DIP2C: variants seen among roughly 807,000 people sequenced by gnomAD.
The protein encoded by DIP2C is DIP2 acetate--CoA ligase C (putative), also known as disco-interacting protein 2 homolog C.
A neutral mutation model predicts 192.4 loss-of-function variants in DIP2C; 33 were observed. The observed-to-expected ratio is 0.17, with a 90% CI of 0.13 to 0.23. The LOEUF is 0.23. Ranked by LOEUF, DIP2C falls within the 10% of genes least tolerant of loss-of-function variation. DIP2C has a pLI of 1.00. For synonymous variants in DIP2C, 979 were observed against 864.1 expected (o/e 1.13, Z -2.33); for missense variants, 1,537 against 2,110.1 (o/e 0.73, Z 5.32).
At chr10:616,849 C>T (rs1367090618) in intron 1 of DIP2C, among the ~76,000 whole-genome samples, 1 of 152,164 alleles carries the variant, frequency 6.6e-6, no homozygotes, top group South Asian at 2.1e-4. Flanking sequence ...GAGAGGCCGC[C>T]GTGGCCTCTA....
At chr10:390,510 A>G in intron 11 of DIP2C, 137 bp from the exon 12 acceptor site, 4 of 1,073,416 alleles carry the variant, frequency 3.7e-6, no homozygotes, top group Non-Finnish European at 5.5e-6. Flanking sequence ...CACGAGATCT[A>G]AGACATCAAC....
chr10:518,882 G>A (rs1470251857), intron 1 of DIP2C, among the ~76,000 whole-genome samples: 1 of 152,158 alleles, frequency 6.6e-6, no homozygotes, highest in Admixed American at 6.5e-5. Context: ...GGAAAAGGAG[G>A]ATCATTTTAG....
chr10:678,571 G>C lies in DIP2C; in HGVS notation c.85+10923C>G, dbSNP rs796273268. Among the ~76,000 whole-genome samples the C allele has an allele frequency of 1.4e-3, 153 of 107,294 alleles. 1 individual carries two copies. The highest frequency in any genetic ancestry group is 6.1e-3 in the African/African-American group (149 of 24,428). The allele number at this position is 107,294 out of a possible 152,430, so 70.4% of individuals were successfully genotyped here. ...TGCTCCCCATGCCCATGCTCCCCAC[G>C]CCCGTCCTCCCTGCAGCCATGCTCC... On this transcript the variant is annotated intron_variant, in intron 1 of 36. Coordinates refer to ENST00000280886, the MANE Select transcript of DIP2C (RefSeq NM_014974.3).
chr10:340,888 C>T (rs368790882), intron 29 of DIP2C: 25 of 481,926 alleles, frequency 5.2e-5, no homozygotes, highest in Non-Finnish European at 9.0e-5. Context: ...CCAGCACCAT[C>T]GCCAGGTTTT....
At chr10:519,054 G>C (rs1226184622) in intron 1 of DIP2C, among the ~76,000 whole-genome samples, 2 of 152,218 alleles carry the variant, frequency 1.3e-5, no homozygotes, top group Non-Finnish European at 2.9e-5. Flanking sequence ...CTGCTTTGCA[G>C]ATTGTCCTTC....
intron 31 of DIP2C, among the ~76,000 whole-genome samples, chr10:315,180 C>T (rs1257622321): frequency 6.6e-6 from 1 of 152,194 alleles, no homozygotes; most frequent in Non-Finnish European, 1.5e-5. Context: ...GTTGTCTCAT[C>T]TGTTATTCCT....
chr10:337,817 T>TA (rs1957933860), intron 29 of DIP2C, among the ~76,000 whole-genome samples: 1 of 135,024 alleles, frequency 7.4e-6, no homozygotes, highest in Non-Finnish European at 1.6e-5. Flanking sequence ...CGTGGAGGCC[T>TA]ACGCAGCTGT....
chr10:519,707 C>A (rs145680883), intron 1 of DIP2C, among the ~76,000 whole-genome samples: 272 of 152,390 alleles, frequency 1.8e-3, no homozygotes, highest in Non-Finnish European at 2.9e-3. Context: ...CAAGGGCGCA[C>A]CTGAGCTCAT....
intron 1 of DIP2C, among the ~76,000 whole-genome samples, chr10:525,041 C>A (rs746105426): frequency 1.3e-5 from 2 of 148,332 alleles, no homozygotes; most frequent in Admixed American, 6.7e-5. Context: ...CTGAAGGGTT[C>A]AACTTACATT....
At chr10:593,485 A>ACCCCCCCCCCCCCCC (rs10563749) in intron 1 of DIP2C, among the ~76,000 whole-genome samples, 2 of 64,208 alleles carry the variant, frequency 3.1e-5, no homozygotes, top group African/African-American at 6.4e-5. Context: ...CCCACGCGGG[A>ACCCCCCCCCCCCCCC]CCCCCCCCCC....
intron 9 of DIP2C, among the ~76,000 whole-genome samples, chr10:401,750 C>T (rs766645353): frequency 2.8e-4 from 29 of 105,098 alleles, no homozygotes; most frequent in Middle Eastern, 7.5e-3. Flanking sequence ...TGATTTTACA[C>T]GTGTGGCAGC....
At chr10:548,752 CTG>C (rs999757692) in intron 1 of DIP2C, among the ~76,000 whole-genome samples, 1 of 151,840 alleles carries the variant, frequency 6.6e-6, no homozygotes, top group African/African-American at 2.4e-5. Flanking sequence ...ACCTCACAGA[CTG>C]TGCCTGATTT....
chr10:436,902 T>G (rs1364221175), intron 4 of DIP2C, among the ~76,000 whole-genome samples: 16 of 132,852 alleles, frequency 1.2e-4, no homozygotes, highest in Non-Finnish European at 2.5e-4. Context: ...ACACCTGAGC[T>G]CTCTCTGAGC....
At chr10:512,535 G>T (rs1306767109) in intron 1 of DIP2C, among the ~76,000 whole-genome samples, 1 of 152,148 alleles carries the variant, frequency 6.6e-6, no homozygotes, top group Non-Finnish European at 1.5e-5. Context: ...AGTCAGCCAA[G>T]ATTTGCGTTG....
intron 1 of DIP2C, among the ~76,000 whole-genome samples, chr10:512,350 G>A (rs113507026): frequency 3.3e-3 from 505 of 152,204 alleles, no homozygotes; most frequent in Middle Eastern, 0.01. Context: ...CTTGAGCCCA[G>A]GAGCTCAAGA....
At chr10:342,866 C>A (rs1397342505) in intron 28 of DIP2C, among the ~76,000 whole-genome samples, 2 of 152,158 alleles carry the variant, frequency 1.3e-5, no homozygotes, top group African/African-American at 4.8e-5. Flanking sequence ...TGTGTAATGT[C>A]AATTATTTTG....
intron 1 of DIP2C, among the ~76,000 whole-genome samples, chr10:557,832 A>AGAAAGGGGGAGGGGGCAGG (rs1848980747): frequency 2.0e-4 from 8 of 40,456 alleles, no homozygotes; most frequent in Admixed American, 5.4e-4. Context: ...GCAGGAAGGC[A>AGAAAGGGGGAGGGGGCAGG]GGCAGGCAGG....
In DIP2C at chr10:383,080, G is replaced by A. The variant is rs112207122; in HGVS notation, c.1877-319C>T. Among the ~76,000 whole-genome samples, 923 of 152,274 alleles carry A rather than the reference G, an allele frequency of 6.1e-3. 4 individuals carry two copies. Among genetic ancestry groups the A allele is most frequent in the Middle Eastern group, 0.014 (4 of 294 alleles). On this transcript the variant is annotated intron_variant, in intron 16 of 36. Transcript: ENST00000280886. ...AGACAGGGGTAAATCTAAACCAAAT[G>A]AAGAAAACTTTCCTCTCTATTAATT...
chr10:662,332 T>C (rs558955254), intron 1 of DIP2C, among the ~76,000 whole-genome samples: 5 of 152,294 alleles, frequency 3.3e-5, no homozygotes, highest in Non-Finnish European at 5.9e-5. Flanking sequence ...TTTTGTGGCA[T>C]TGCCAGATAA....
Sources: allele counts gnomAD v4.1 joint callset (sites outside exome capture counted in the v4.1 genomes callset), GRCh38; gene constraint gnomAD v4.1.1; transcripts MANE v1.5; gene names NCBI Gene and HGNC (gene_info 2026-07-23, HGNC 2026-07-21).